TRIM71: variants seen among roughly 807,000 people sequenced by gnomAD.
The protein encoded by TRIM71 is tripartite motif containing 71, also known as E3 ubiquitin-protein ligase TRIM71.
In TRIM71, 9 loss-of-function variants were observed where a neutral mutation model predicts 61.2. That is an observed-to-expected ratio of 0.15 (90% CI 0.09 to 0.26). TRIM71 has a LOEUF of 0.26. TRIM71 is among the 10% of genes least tolerant of loss of function. The pLI is 1.00. For synonymous variants in TRIM71, 645 were observed against 553.2 expected (o/e 1.17, Z -2.33); for missense variants, 998 against 1,238.7 (o/e 0.81, Z 2.92).
At chr3:32,845,944 C>G (rs1431704702) in intron 1 of TRIM71, among the ~76,000 whole-genome samples, 2 of 151,742 alleles carry the variant, frequency 1.3e-5, no homozygotes, top group African/African-American at 2.4e-5. Flanking sequence ...TGGTCTCGAT[C>G]TCCTGACCTT....
chr3:32,851,155 A>C (rs552426420), intron 1 of TRIM71, among the ~76,000 whole-genome samples: 1 of 152,296 alleles, frequency 6.6e-6, no homozygotes, highest in South Asian at 2.1e-4. Flanking sequence ...GCTGTGGGGA[A>C]AAAAGTTTGT....
chr3:32,852,928 A>G (rs1305901600), intron 1 of TRIM71, among the ~76,000 whole-genome samples: 1 of 152,188 alleles, frequency 6.6e-6, no homozygotes, highest in Non-Finnish European at 1.5e-5. Context: ...TGGTGTGAAT[A>G]AAAAGTATGA....
chr3:32,890,561 C>T lies in TRIM71; in HGVS notation c.1357C>T (p.Pro453Ser). ...GAAGACCGTGCGGAGCCTCCTGCAG[C>T]CCCAGGAAGACGACCGAGTCATGTT... Reference protein sequence around the residue: ...ELKTVRSLLQPQEDDRVMFTP... With the variant: ...ELKTVRSLLQSQEDDRVMFTP... Residue 453 changes from proline (P) to serine (S), a missense_variant, in exon 4 of 4, where the codon CCC becomes TCC. Physicochemically the swap from Pro to Ser is moderately conservative, Grantham distance 74 (BLOSUM62 -1). This residue lies in a region of TRIM71 where 291 missense variants were observed against 431.2 expected (regional missense o/e 0.67). Transcript: ENST00000383763. This position sits in a 1 kb window ranked among gnomAD's most constrained non-coding sequence, Gnocchi z 6.2. 2 of 1,614,046 alleles carry T rather than the reference C, an allele frequency of 1.2e-6. No homozygotes were observed. The highest frequency in any genetic ancestry group is 1.7e-6 in the Non-Finnish European group (2 of 1,180,036).
intron 1 of TRIM71, among the ~76,000 whole-genome samples, chr3:32,835,102 AATC>A (rs1187590405): frequency 7.2e-5 from 11 of 152,222 alleles, no homozygotes; most frequent in South Asian, 2.1e-4. Flanking sequence ...TGCAAGATGA[AATC>A]ATGAAGATGA....
At chr3:32,835,359 G>T (rs1321336181) in intron 1 of TRIM71, among the ~76,000 whole-genome samples, 1 of 152,022 alleles carries the variant, frequency 6.6e-6, no homozygotes, top group Non-Finnish European at 1.5e-5. Context: ...ACTGTGAGAG[G>T]GTCCTCTCCC....
chr3:32,845,532 G>A (rs1000659816), intron 1 of TRIM71, among the ~76,000 whole-genome samples: 4 of 152,074 alleles, frequency 2.6e-5, no homozygotes, highest in Admixed American at 2.6e-4. Context: ...GTTACTCTGG[G>A]GGTTACTCAC....
chr3:32,894,160 C>T lies in TRIM71; in HGVS notation c.*2349C>T, dbSNP rs1697055469. 6.6e-6 allele frequency: 1 copy of T among 151,898 alleles called. No homozygotes were observed. The allele number at this position is 151,898 out of a possible 1,614,324, so 9.4% of individuals were successfully genotyped here. On this transcript the variant is annotated 3_prime_UTR_variant, in exon 4 of 4. Coordinates refer to ENST00000383763, the MANE Select transcript of TRIM71 (RefSeq NM_001039111.3). ...TGGTGCTGATCTTCCTTCCCTTTCCCCAGCTGCCCAACAAGCCACCCTTTA... is the reference window on the plus strand; with the variant it reads ...TGGTGCTGATCTTCCTTCCCTTTCCTCAGCTGCCCAACAAGCCACCCTTTA...
intron 1 of TRIM71, among the ~76,000 whole-genome samples, chr3:32,834,748 A>G (rs557388537): frequency 6.6e-6 from 1 of 152,254 alleles, no homozygotes; most frequent in Non-Finnish European, 1.5e-5. Flanking sequence ...ATACCGAGGC[A>G]GGAGAATCGC....
chr3:32,876,544 A>C (rs1028469742), intron 2 of TRIM71, among the ~76,000 whole-genome samples: 1 of 152,198 alleles, frequency 6.6e-6, no homozygotes, highest in African/African-American at 2.4e-5. Flanking sequence ...AGATCGTGCC[A>C]CTGCACTCCA....
intron 1 of TRIM71, among the ~76,000 whole-genome samples, chr3:32,857,905 A>G (rs1696623080): frequency 6.6e-6 from 1 of 152,108 alleles, no homozygotes; most frequent in Non-Finnish European, 1.5e-5. Context: ...CAGGAGGCGG[A>G]GGCTGCAGCA....
chr3:32,838,033 A>G (rs1696354943), intron 1 of TRIM71, among the ~76,000 whole-genome samples: 1 of 152,154 alleles, frequency 6.6e-6, no homozygotes, highest in Non-Finnish European at 1.5e-5. Flanking sequence ...CACACTTTTC[A>G]TTGAGCATCT....
chr3:32,888,790 T>G (rs1028181408), intron 3 of TRIM71, among the ~76,000 whole-genome samples: 1 of 152,242 alleles, frequency 6.6e-6, no homozygotes, highest in African/African-American at 2.4e-5. Context: ...TCCACCCATC[T>G]TGGCCTCCCA....
intron 1 of TRIM71, among the ~76,000 whole-genome samples, chr3:32,871,226 A>T (rs1370307415): frequency 6.6e-6 from 1 of 152,132 alleles, no homozygotes; most frequent in Non-Finnish European, 1.5e-5. Flanking sequence ...GATTGGACAG[A>T]TGGTTCCATA....
chr3:32,834,696 G>A (rs1229011894), intron 1 of TRIM71, among the ~76,000 whole-genome samples: 4 of 152,108 alleles, frequency 2.6e-5, no homozygotes, highest in Non-Finnish European at 4.4e-5. Context: ...ACAAAAATTA[G>A]CTAGGTGCGG....
chr3:32,819,945 A>G (rs2125672558), intron 1 of TRIM71, among the ~76,000 whole-genome samples: 1 of 152,278 alleles, frequency 6.6e-6, no homozygotes, highest in Non-Finnish European at 1.5e-5. Context: ...TCGAGTAAAC[A>G]TTTGCTTTTC....
intron 1 of TRIM71, among the ~76,000 whole-genome samples, chr3:32,828,601 C>T (rs992000375): frequency 6.7e-6 from 1 of 150,074 alleles, no homozygotes; most frequent in Non-Finnish European, 1.5e-5. Flanking sequence ...TCAACCTTCC[C>T]GGCTCAAGTG....
chr3:32,897,363 G>C lies in TRIM71; in HGVS notation c.*5552G>C, dbSNP rs1355735310. 6.6e-6 allele frequency: 1 copy of C among 152,192 alleles called. No homozygotes were observed. The allele number at this position is 152,192 out of a possible 1,614,324, so 9.4% of individuals were successfully genotyped here. A position where few individuals can be genotyped will look rare whatever the true frequency, so the allele number is the denominator to read the frequency against. The stretch of plus-strand genomic sequence containing the variant: ...GCCGCAGAAACCACACTGCAAGCCT[G>C]TCCGGGGTGGGGTGCTGACTGCCAT... On this transcript the variant is annotated 3_prime_UTR_variant, in exon 4 of 4. Transcript: ENST00000383763.
rs1696751708 is a variant in TRIM71 at position 32,867,530 on chromosome 3, A to G, written c.853-6288A>G. ...TGCGGCGGTGCGATCATGGCTCACT[A>G]TAGCCTTCATCTCCTGTGCTCAAGT... is the stretch of plus-strand genomic sequence containing the variant. On this transcript the variant is annotated intron_variant, in intron 1 of 3. Coordinates refer to ENST00000383763, the MANE Select transcript of TRIM71 (RefSeq NM_001039111.3). Among the ~76,000 whole-genome samples the G allele has an allele frequency of 1.3e-5, 2 of 152,010 alleles. 1 individual carries two copies. The highest frequency in any genetic ancestry group is 4.1e-4 in the South Asian group (2 of 4,820).
At chr3:32,836,790 A>C (rs976917094) in intron 1 of TRIM71, among the ~76,000 whole-genome samples, 9 of 152,190 alleles carry the variant, frequency 5.9e-5, no homozygotes, top group African/African-American at 2.2e-4. Flanking sequence ...GCTGGCTTGC[A>C]ATCAGTTGAG....
Sources: gnomAD v4.1 joint callset for allele counts (sites outside exome capture counted in the v4.1 genomes callset) on GRCh38, gnomAD v4.1.1 for gene constraint, gnomAD v4.1.1 regional missense constraint, Gnocchi (gnomAD v3.1) non-coding constraint, MANE v1.5 for transcripts, NCBI Gene and HGNC (gene_info 2026-07-23, HGNC 2026-07-21) for gene names.